TMEM64: variants seen among roughly 807,000 people sequenced by gnomAD.
TMEM64 encodes transmembrane protein 64.
A neutral mutation model predicts 24.5 loss-of-function variants in TMEM64; 19 were observed. That is an observed-to-expected ratio of 0.78 (90% CI 0.54 to 1.14). The LOEUF (loss-of-function observed/expected upper bound fraction) is 1.14, where lower values mean the gene tolerates loss of function less well. Among genes scored for constraint, TMEM64 ranks in the 50% most tolerant of loss-of-function variants. TMEM64 has a pLI of 0.00. For missense variants in TMEM64, 487 were observed against 493.0 expected, an observed-to-expected ratio of 0.99 and a Z score of 0.12; for synonymous variants, 262 against 224.7, an observed-to-expected ratio of 1.17 and a Z score of -1.49.
chr8:90,622,454 C>T lies in TMEM64; in HGVS notation c.*3217G>A, dbSNP rs1417104066. ...AGGTTAGTACTGTTTTTCCTGGGGTCTATGTAAAACTCTCCTTTTCTCTGC... is the reference window on the plus strand; with the variant it reads ...AGGTTAGTACTGTTTTTCCTGGGGTTTATGTAAAACTCTCCTTTTCTCTGC... On this transcript the variant is annotated 3_prime_UTR_variant, in exon 3 of 3. Transcript: ENST00000458549. The T allele has an allele frequency of 6.6e-6, 1 of 152,206 alleles. No individual in the cohort carries two copies. The highest frequency in any genetic ancestry group is 1.5e-5 in the Non-Finnish European group (1 of 68,046). The allele number at this position is 152,206 out of a possible 1,614,324, so 9.4% of individuals were successfully genotyped here.
intron 1 of TMEM64, among the ~76,000 whole-genome samples, chr8:90,636,318 C>T (rs759801440): frequency 9.2e-5 from 14 of 152,144 alleles, no homozygotes; most frequent in Non-Finnish European, 1.6e-4. Flanking sequence ...TGCAATGGCA[C>T]GATCTCGGCT....
In TMEM64 at chr8:90,645,004, TGTC is replaced by T; in HGVS notation, c.795+104_795+106del. ...AAGTAATCGTAACTCCTGCCGTCAA[TGTC>T]ACTTCTCTGCTGGTATTTATCTGAT... On this transcript the variant is annotated intron_variant, in intron 1 of 2. Coordinates refer to ENST00000458549, the MANE Select transcript of TMEM64 (RefSeq NM_001008495.4). The surrounding 1 kb of genome is among the most constrained non-coding windows in gnomAD (Gnocchi z 4.2). 1.6e-6 allele frequency: 2 copies of T among 1,229,814 alleles called. No individual in the cohort carries two copies. The highest frequency in any genetic ancestry group is 2.9e-5 in the South Asian group (2 of 68,712). 76.2% of individuals were successfully genotyped at this position (1,229,814 alleles called of 1,614,324 possible).
In TMEM64 at chr8:90,625,676, C is replaced by T. The variant is rs774189585; in HGVS notation, c.1138G>A (p.Val380Ile). ...LTFSGGGINV[V>I] ...AATCACGTATCTCATTAGAATCATA[C>T]AACATTGATTCCACCTCCAGAAAAT... The change falls in exon 3 of 3, where the codon GTA becomes ATA. Residue 380 changes from valine to isoleucine, a missense_variant. Physicochemically the swap from Val to Ile is conservative, Grantham distance 29. This residue lies in a region of TMEM64 where 58 missense variants were observed against 58.2 expected (regional missense o/e 1.00). Coordinates refer to ENST00000458549, the MANE Select transcript of TMEM64 (RefSeq NM_001008495.4). The T allele has an allele frequency of 5.0e-6, 8 of 1,612,954 alleles. No individual in the cohort carries two copies. In the South Asian group the frequency reaches 5.5e-5, roughly 11 times the overall value.
At chr8:90,631,812 G>A (rs1809444427) in intron 1 of TMEM64, 105 bp from the exon 2 acceptor site, 27 of 892,932 alleles carry the variant, frequency 3.0e-5, no homozygotes, top group Non-Finnish European at 3.4e-6. Flanking sequence ...CCTCGGGAAG[G>A]AGCTGACATC....
Position 90,645,471 on chromosome 8 carries a change from G to A in TMEM64, c.435C>T (p.His145=), listed in dbSNP as rs1450006473. 41 of 1,551,384 alleles carry A rather than the reference G, an allele frequency of 2.6e-5. No homozygotes were observed. In the South Asian group the frequency reaches 4.8e-4, roughly 18 times the overall value. The change falls in exon 1 of 3, where the codon CAC becomes CAT. Residue 145 remains histidine, a synonymous_variant. Transcript: ENST00000458549. The surrounding 1 kb of genome is among the most constrained non-coding windows in gnomAD (Gnocchi z 4.2). ...GGCTCTCCACCCACAGCAGGAGGTG[G>A]TGAAGGTAGCGGCGGACCAGGGCCA... ...ASLALVRRYL[H]HLLLWVESLD... is the part of the protein sequence containing the mutation.
chr8:90,636,231 C>T (rs1447698733), intron 1 of TMEM64, among the ~76,000 whole-genome samples: 1 of 152,154 alleles, frequency 6.6e-6, no homozygotes. Flanking sequence ...AGATGAACAG[C>T]TTCCTCCAAA....
At chr8:90,644,705 A>G (rs181746243) in intron 1 of TMEM64, among the ~76,000 whole-genome samples, 4 of 152,314 alleles carry the variant, frequency 2.6e-5, no homozygotes, top group Admixed American at 2.6e-4. Flanking sequence ...CCATGTCGCT[A>G]AAAACTTGAA....
At chr8:90,627,559 T>C (rs1287334042) in intron 2 of TMEM64, among the ~76,000 whole-genome samples, 1 of 152,028 alleles carries the variant, frequency 6.6e-6, no homozygotes, top group Admixed American at 6.5e-5. Flanking sequence ...AAAAAGTTCA[T>C]GGATGTCAGT....
chr8:90,625,920 A>C (rs1236672498), intron 2 of TMEM64, 58 bp from the exon 3 acceptor site: 12 of 1,309,070 alleles, frequency 9.2e-6, no homozygotes, highest in African/African-American at 3.0e-5. Context: ...AAAAGAAATA[A>C]ATCCAATAAA....
intron 1 of TMEM64, among the ~76,000 whole-genome samples, chr8:90,638,575 A>T (rs1346982491): frequency 6.6e-6 from 1 of 152,202 alleles, no homozygotes; most frequent in Non-Finnish European, 1.5e-5. Flanking sequence ...AAATTCTGTG[A>T]GGAAAGGGAT....
chr8:90,636,124 C>G (rs762874632), intron 1 of TMEM64, among the ~76,000 whole-genome samples: 1 of 152,228 alleles, frequency 6.6e-6, no homozygotes, highest in East Asian at 1.9e-4. Flanking sequence ...AGTTAATAAT[C>G]GTAAATATTT....
chr8:90,642,291 A>C (rs1471215328), intron 1 of TMEM64, among the ~76,000 whole-genome samples: 1 of 152,182 alleles, frequency 6.6e-6, no homozygotes, highest in Non-Finnish European at 1.5e-5. Context: ...GCACAGACTA[A>C]TTCAGGATCA....
chr8:90,644,450 C>T (rs1197235008), intron 1 of TMEM64, among the ~76,000 whole-genome samples: 1 of 152,064 alleles, frequency 6.6e-6, no homozygotes, highest in East Asian at 1.9e-4. Flanking sequence ...TATAATGGTG[C>T]AGATACAGAA....
rs151161053 is a variant in TMEM64, at chr8:90,641,714, T to G, written c.795+3397A>C. ...TATAAGATGAGGATCAGGGCTGAAA[T>G]GAACAGTAAATAAGTTATGTGTGCA... On this transcript the variant is annotated intron_variant, in intron 1 of 2. Transcript: ENST00000458549. 3.3e-5 allele frequency among the ~76,000 whole-genome samples: 5 copies of G among 152,328 alleles called. No homozygotes were observed. In the East Asian group the frequency reaches 9.6e-4, roughly 29 times the overall value.
At chr8:90,642,714 T>C (rs1426248619) in intron 1 of TMEM64, among the ~76,000 whole-genome samples, 1 of 152,072 alleles carries the variant, frequency 6.6e-6, no homozygotes, top group Admixed American at 6.5e-5. Context: ...AAACAGGACA[T>C]AACAGACCAT....
At chr8:90,632,220 C>A (rs1358477191) in intron 1 of TMEM64, among the ~76,000 whole-genome samples, 1 of 152,206 alleles carries the variant, frequency 6.6e-6, no homozygotes, top group Non-Finnish European at 1.5e-5. Flanking sequence ...GATCTGGCCT[C>A]ACTGCAACCT....
At chr8:90,635,611 A>G (rs1251114533) in intron 1 of TMEM64, among the ~76,000 whole-genome samples, 1 of 152,096 alleles carries the variant, frequency 6.6e-6, no homozygotes, top group Admixed American at 6.5e-5. Context: ...CTCAGAGGAA[A>G]GGTACCAGGG....
intron 1 of TMEM64, among the ~76,000 whole-genome samples, chr8:90,639,458 C>A (rs1459513542): frequency 6.6e-6 from 1 of 152,106 alleles, no homozygotes; most frequent in Non-Finnish European, 1.5e-5. Flanking sequence ...ATTTCTGGAA[C>A]ACAAGTTGAA....
chr8:90,645,473 G>T lies in TMEM64; in HGVS notation c.433C>A (p.His145Asn). Residue 145 changes from histidine to asparagine, a missense_variant, in exon 1 of 3, where the codon CAC becomes AAC. Transcript: ENST00000458549. The surrounding 1 kb of genome is among the most constrained non-coding windows in gnomAD (Gnocchi z 4.2). The stretch of plus-strand genomic sequence containing the variant: ...CTCTCCACCCACAGCAGGAGGTGGT[G>T]AAGGTAGCGGCGGACCAGGGCCAGG... Reference protein sequence around the residue: ...ASLALVRRYLHHLLLWVESLD... With the variant: ...ASLALVRRYLNHLLLWVESLD... The T allele has an allele frequency of 6.4e-7, 1 of 1,551,460 alleles. No homozygotes were observed. The highest frequency in any genetic ancestry group is 8.7e-7 in the Non-Finnish European group (1 of 1,147,034).
Sources: gnomAD v4.1 joint callset for allele counts (sites outside exome capture counted in the v4.1 genomes callset) on GRCh38, gnomAD v4.1.1 for gene constraint, gnomAD v4.1.1 regional missense constraint, Gnocchi (gnomAD v3.1) non-coding constraint, MANE v1.5 for transcripts, NCBI Gene and HGNC (gene_info 2026-07-23, HGNC 2026-07-21) for gene names.